The following PPP1R14B variants were observed in gnomAD, a reference collection of about 807,000 sequenced individuals.
The protein encoded by PPP1R14B is protein phosphatase 1 regulatory inhibitor subunit 14B, also known as protein phosphatase 1 regulatory subunit 14B.
A neutral mutation model predicts 14.7 loss-of-function variants in PPP1R14B; 4 were observed. That is an observed-to-expected ratio of 0.27 (90% CI 0.13 to 0.62). The LOEUF is 0.62. PPP1R14B is among the 20% of genes least tolerant of loss of function. The pLI, the probability that PPP1R14B is intolerant of heterozygous loss-of-function variation, is 0.85. For missense variants in PPP1R14B, 138 were observed against 201.5 expected (o/e 0.68, Z 1.91); for synonymous variants, 76 against 87.3 (o/e 0.87, Z 0.72).
Position 64,246,588 on chromosome 11 carries a change from T to G in PPP1R14B, c.86A>C (p.Tyr29Ser). The G allele has an allele frequency of 6.3e-7, 1 of 1,596,394 alleles. No individual in the cohort carries two copies. The highest frequency in any genetic ancestry group is 8.5e-7 in the Non-Finnish European group (1 of 1,173,384). ...PGSGGPGPRV[Y>S]FQSPPGAAGE... is the part of the protein sequence containing the mutation. ...TGCGGCCCCGGGGGGGCTCTGAAAG[T>G]AGACGCGTGGTCCTGGGCCGCCACT... The change falls in exon 1 of 4, where the codon TAC (tyrosine) becomes TCC (serine). Residue 29 changes from tyrosine to serine, a missense_variant. Physicochemically the swap from Tyr to Ser is moderately radical, Grantham distance 144 (BLOSUM62 -2). Transcript: ENST00000309318.
chr11:64,246,294 A>G, intron 1 of PPP1R14B, 122 bp downstream of exon 1: 1 of 1,338,262 alleles, frequency 7.5e-7, no homozygotes, highest in African/African-American at 1.5e-5. Context: ...TGCAGAGGGG[A>G]GGGGAGCGCG....
rs770417492 is a variant in PPP1R14B at position 64,246,577 on chromosome 11, G to T, written c.97C>A (p.Pro33Thr). 5.6e-6 allele frequency: 9 copies of T among 1,601,844 alleles called. No homozygotes were observed. The East Asian group carries it at 1.4e-4, about 24-fold the overall frequency. ...GPGPRVYFQS[P>T]PGAAGEGPGG... Reference sequence around the variant, plus strand: ...GGGCCCTCTCCTGCGGCCCCGGGGGGGCTCTGAAAGTAGACGCGTGGTCCT... The same window carrying T: ...GGGCCCTCTCCTGCGGCCCCGGGGGTGCTCTGAAAGTAGACGCGTGGTCCT... Residue 33 changes from proline (P) to threonine (T), a missense_variant, in exon 1 of 4, where the codon CCC becomes ACC. Physicochemically the swap from Pro to Thr is conservative, Grantham distance 38. Transcript: ENST00000309318.
Position 64,245,365 on chromosome 11 carries a change from G to A in PPP1R14B, c.259-78C>T, listed in dbSNP as rs776986017. 3 of 1,251,496 alleles carry A rather than the reference G, an allele frequency of 2.4e-6. No homozygotes were observed. The East Asian group carries it at 7.3e-5, about 30-fold the overall frequency. 77.5% of individuals were successfully genotyped at this position (1,251,496 alleles called of 1,614,324 possible). A position where few individuals can be genotyped will look rare whatever the true frequency, so the allele number is the denominator to read the frequency against. On this transcript the variant is annotated intron_variant, in intron 1 of 3. Coordinates refer to ENST00000309318, the MANE Select transcript of PPP1R14B (RefSeq NM_138689.3). ...GGTGTGAGAGGGGCTCTGGGTTGAGGCCCCTGCCTACCTCGGAGGAACCCA... is the reference window on the plus strand; with the variant it reads ...GGTGTGAGAGGGGCTCTGGGTTGAGACCCCTGCCTACCTCGGAGGAACCCA...
chr11:64,245,158 C>G (rs1398564137), intron 2 of PPP1R14B, 46 bp downstream of exon 2: 4 of 1,592,728 alleles, frequency 2.5e-6, no homozygotes, highest in South Asian at 2.2e-5. Context: ...GCCTCACTTT[C>G]CCGGGGCAGT....
chr11:64,245,437 C>G lies in PPP1R14B; in HGVS notation c.259-150G>C, dbSNP rs2030838325. On this transcript the variant is annotated intron_variant, in intron 1 of 3. Transcript: ENST00000309318. ...ACAGCAGCTGCTCTGGGGAGGAAAA[C>G]AGATCAGGCCCGTGCCAAGGCAAAC... 6.3e-6 allele frequency: 4 copies of G among 633,468 alleles called. No individual in the cohort carries two copies. The East Asian group carries it at 1.2e-4, about 19-fold the overall frequency. 39.2% of individuals were successfully genotyped at this position (633,468 alleles called of 1,614,324 possible). A position where few individuals can be genotyped will look rare whatever the true frequency, so the allele number is the denominator to read the frequency against.
At position 64,246,581 on chromosome 11, in the gene PPP1R14B, C is replaced by T; in HGVS notation, c.93G>A (p.Gln31=). 1.3e-6 allele frequency: 2 copies of T among 1,600,002 alleles called. No homozygotes were observed. Among genetic ancestry groups the T allele is most frequent in the Non-Finnish European group, 1.7e-6 (2 of 1,174,964 alleles). Reference sequence around the variant, plus strand: ...CCTCTCCTGCGGCCCCGGGGGGGCTCTGAAAGTAGACGCGTGGTCCTGGGC... The same window carrying T: ...CCTCTCCTGCGGCCCCGGGGGGGCTTTGAAAGTAGACGCGTGGTCCTGGGC... ...SGGPGPRVYF[Q]SPPGAAGEGP... is the part of the protein sequence containing the mutation. The change falls in exon 1 of 4, where the codon CAG becomes CAA. Residue 31 remains glutamine (Q), a synonymous_variant. Coordinates refer to ENST00000309318, the MANE Select transcript of PPP1R14B (RefSeq NM_138689.3).
Position 64,244,832 on chromosome 11 carries a change from G to A in PPP1R14B, c.376-10C>T, listed in dbSNP as rs368869601. On this transcript the variant is annotated splice_polypyrimidine_tract_variant and intron_variant, in intron 3 of 3. Coordinates refer to ENST00000309318, the MANE Select transcript of PPP1R14B (RefSeq NM_138689.3). ...GGCCAGAAATGAAGGCCTGGATGGG[G>A]TGGGAGGGTAAACATTAAGGAGACC... The A allele has an allele frequency of 6.2e-7, 1 of 1,614,146 alleles. No homozygotes were observed. Among genetic ancestry groups the A allele is most frequent in the Non-Finnish European group, 8.5e-7 (1 of 1,180,008 alleles).
chr11:64,244,661 C>A lies in PPP1R14B; in HGVS notation c.*93G>T. The A allele has an allele frequency of 6.4e-7, 1 of 1,568,634 alleles. No individual in the cohort carries two copies. The highest frequency in any genetic ancestry group is 8.7e-7 in the Non-Finnish European group (1 of 1,147,428). ...AGGAGCCCTGCTCATGGCACCAGGC[C>A]TGGCCGCAGGGTCCCCCGGTATTGC... On this transcript the variant is annotated 3_prime_UTR_variant, in exon 4 of 4. Transcript: ENST00000309318.
At chr11:64,245,356 T>G in intron 1 of PPP1R14B, 69 bp from the exon 2 acceptor site, 6 of 1,348,016 alleles carry the variant, frequency 4.5e-6, no homozygotes, top group Non-Finnish European at 5.2e-6. Context: ...AGAGGGGCTC[T>G]GGGTTGAGGC....
Position 64,246,424 on chromosome 11 carries a change from C to A in PPP1R14B, c.250G>T (p.Asp84Tyr). ...WILEQLTRLY[D>Y]CQEEEIPELE... ...GCGGGGTGGGAACACACCTGGCAGT[C>A]GTAGAGGCGCGTGAGCTGCTCCAGG... The change falls in exon 1 of 4, where the codon GAC becomes TAC. Residue 84 changes from aspartate (D) to tyrosine (Y), a missense_variant. Asp to Tyr is a radical substitution (Grantham distance 160). Transcript: ENST00000309318. The A allele has an allele frequency of 6.2e-7, 1 of 1,607,738 alleles. No homozygotes were observed. The highest frequency in any genetic ancestry group is 1.1e-5 in the South Asian group (1 of 90,230).
chr11:64,245,961 C>A, intron 1 of PPP1R14B: 1 of 162,076 alleles, frequency 6.2e-6, no homozygotes, highest in Non-Finnish European at 1.3e-5. Context: ...GAAGCAGAGC[C>A]CAGAAAGCGG....
chr11:64,245,289 T>TGGGGTG lies in PPP1R14B; in HGVS notation c.259-8_259-3dup, dbSNP rs764204781. The TGGGGTG allele has an allele frequency of 3.3e-5, 33 of 1,001,380 alleles. No homozygotes were observed. The highest frequency in any genetic ancestry group is 6.5e-5 in the Admixed American group (3 of 46,402). The allele number at this position is 1,001,380 out of a possible 1,614,324, so 62.0% of individuals were successfully genotyped here. The stretch of plus-strand genomic sequence containing the variant: ...CTCCAGTTCTGGGATCTCCTCTTCC[T>TGGGGTG]GGGGTGGGGGTGGGGGAGGAGGGAG... On this transcript the variant is annotated splice_polypyrimidine_tract_variant and splice_region_variant and intron_variant, in intron 1 of 3. Coordinates refer to ENST00000309318, the MANE Select transcript of PPP1R14B (RefSeq NM_138689.3).
At position 64,246,727 on chromosome 11, in the gene PPP1R14B, C is replaced by G. The variant is rs970384876; in HGVS notation, c.-54G>C. 35 of 1,000,420 alleles carry G rather than the reference C, an allele frequency of 3.5e-5. No individual in the cohort carries two copies. Among genetic ancestry groups the G allele is most frequent in the Non-Finnish European group, 4.0e-5 (34 of 841,724 alleles). 62.0% of individuals were successfully genotyped at this position (1,000,420 alleles called of 1,614,324 possible). ...CGGGCCCCTCCCTGCGCCACCGCCTCCGGGACGCCCGCCGGCTGGCTCGGG... is the reference window on the plus strand; with the variant it reads ...CGGGCCCCTCCCTGCGCCACCGCCTGCGGGACGCCCGCCGGCTGGCTCGGG... On this transcript the variant is annotated 5_prime_UTR_variant, in exon 1 of 4. Coordinates refer to ENST00000309318, the MANE Select transcript of PPP1R14B (RefSeq NM_138689.3).
chr11:64,244,752 C>A lies in PPP1R14B; in HGVS notation c.*2G>T. 1 of 1,613,068 alleles carries A rather than the reference C, an allele frequency of 6.2e-7. No homozygotes were observed. The highest frequency in any genetic ancestry group is 8.5e-7 in the Non-Finnish European group (1 of 1,179,710). On this transcript the variant is annotated 3_prime_UTR_variant, in exon 4 of 4. Transcript: ENST00000309318. ...GCCACCGTTCTCCTGGGTCGGGGAC[C>A]GTCACTTCTTCTGGGGTGTGCTCAG...
chr11:64,246,181 G>A (rs766803706), intron 1 of PPP1R14B: 64 of 579,356 alleles, frequency 1.1e-4, no homozygotes, highest in Non-Finnish European at 1.7e-4. Context: ...AGGACACTAG[G>A]CTTGACCTGG....
chr11:64,245,745 G>C (rs1591090820), intron 1 of PPP1R14B: 2 of 164,828 alleles, frequency 1.2e-5, no homozygotes, highest in South Asian at 3.2e-4. Context: ...CTGGCAAAGA[G>C]GAAACAAAGA....
chr11:64,245,184 T>C lies in PPP1R14B; in HGVS notation c.342+20A>G. The C allele has an allele frequency of 4.4e-6, 7 of 1,608,590 alleles. No individual in the cohort carries two copies. The highest frequency in any genetic ancestry group is 1.7e-4 in the Middle Eastern group (1 of 5,876). Reference sequence around the variant, plus strand: ...CCGGGGCAGTGCCTCAGGCAACCCATCGCCCCCCAGCCCCCTCACCTTGAC... The same window carrying C: ...CCGGGGCAGTGCCTCAGGCAACCCACCGCCCCCCAGCCCCCTCACCTTGAC... On this transcript the variant is annotated intron_variant, in intron 2 of 3. Transcript: ENST00000309318.
intron 1 of PPP1R14B, chr11:64,245,549 G>C (rs2030845026): frequency 2.1e-6 from 1 of 478,434 alleles, no homozygotes; most frequent in South Asian, 3.3e-5. Context: ...CCAGGGTTGG[G>C]GACCTTGGGC....
chr11:64,244,712 G>A lies in PPP1R14B; in HGVS notation c.*42C>T, dbSNP rs371023573. On this transcript the variant is annotated 3_prime_UTR_variant, in exon 4 of 4. Transcript: ENST00000309318. ...TGTTGCTACGAGGTTGGGGGGCAGC[G>A]ATTGTCCTGTGGGAGCCACCGTTCT... 65 of 1,607,978 alleles carry A rather than the reference G, an allele frequency of 4.0e-5. No individual in the cohort carries two copies. In the African/African-American group the frequency reaches 6.3e-4, roughly 16 times the overall value.
Sources: gnomAD v4.1 joint callset for allele counts on GRCh38, gnomAD v4.1.1 for gene constraint, MANE v1.5 for transcripts, NCBI Gene and HGNC (gene_info 2026-07-23, HGNC 2026-07-21) for gene names.